Variants in PCDHAC1 observed in about 807,000 individuals in gnomAD.
PCDHAC1 encodes the protein protocadherin alpha subfamily C, 1, also known as protocadherin alpha-C1.
PCDHAC1 carries 42 observed loss-of-function variants against 60.0 expected under a neutral mutation model. The observed-to-expected ratio is 0.70, with a 90% CI of 0.55 to 0.90. The LOEUF is 0.90. Ranked by LOEUF, PCDHAC1 falls within the 40% of genes least tolerant of loss-of-function variation. The pLI, the probability that PCDHAC1 is intolerant of heterozygous loss-of-function variation, is 0.00. For synonymous variants in PCDHAC1, 468 were observed against 499.3 expected, an observed-to-expected ratio of 0.94 and a Z score of 0.84; for missense variants, 1,160 against 1,222.3, an observed-to-expected ratio of 0.95 and a Z score of 0.76.
chr5:140,986,545 G>T (rs1554248133), intron 3 of PCDHAC1, among the ~76,000 whole-genome samples: 1 of 152,172 alleles, frequency 6.6e-6, no homozygotes, highest in East Asian at 1.9e-4. Context: ...GCTTCAGTGG[G>T]CCAGGCTGCT....
chr5:140,981,698 A>C (rs1414640370), intron 2 of PCDHAC1, among the ~76,000 whole-genome samples: 1 of 151,174 alleles, frequency 6.6e-6, no homozygotes, highest in Non-Finnish European at 1.5e-5. Context: ...TCATTCATTC[A>C]TTCATTCATT....
chr5:140,980,834 C>A (rs1424222678), intron 2 of PCDHAC1, among the ~76,000 whole-genome samples: 1 of 151,974 alleles, frequency 6.6e-6, no homozygotes, highest in Non-Finnish European at 1.5e-5. Context: ...AGTTGTGAAC[C>A]TAAATAATAC....
chr5:140,967,645 G>A lies in PCDHAC1; in HGVS notation c.2434-11304G>A, dbSNP rs782043521. ...ATGAGGGCTCCAATGGTGAGCTCAG[G>A]TACTCCTTGAGCAGCTACACGTCGG... On this transcript the variant is annotated intron_variant, in intron 1 of 3. Transcript: ENST00000253807. 1.9e-5 allele frequency: 30 copies of A among 1,614,144 alleles called. 1 individual carries two copies. In the South Asian group the frequency reaches 3.2e-4, roughly 17 times the overall value.
chr5:140,927,042 G>T lies in PCDHAC1; in HGVS notation c.150G>T (p.Met50Ile), dbSNP rs548394870. 4.3e-6 allele frequency: 7 copies of T among 1,612,270 alleles called. No homozygotes were observed. The highest frequency in any genetic ancestry group is 4.2e-6 in the Non-Finnish European group (5 of 1,178,942). The change falls in exon 1 of 4, where the codon ATG (methionine) becomes ATT (isoleucine). Residue 50 changes from methionine (M) to isoleucine (I), a missense_variant. Met to Ile is a conservative substitution (Grantham distance 10). Transcript: ENST00000253807. ...SADLRLPAAAMSSRNFRFLSS... is the reference protein window; with the variant it reads ...SADLRLPAAAISSRNFRFLSS... ...ACTTGAGGCTGCCAGCGGCCGCTAT[G>T]TCCTCGCGGAACTTTCGCTTCCTTT...
chr5:140,988,862 T>G (rs1554250483), intron 3 of PCDHAC1: 2 of 152,218 alleles, frequency 1.3e-5, no homozygotes, highest in Non-Finnish European at 1.5e-5. Flanking sequence ...CAGTCTCATG[T>G]GCACTCAGAT....
At chr5:140,931,962 A>G (rs1439185046) in intron 1 of PCDHAC1, among the ~76,000 whole-genome samples, 1 of 151,924 alleles carries the variant, frequency 6.6e-6, no homozygotes, top group Non-Finnish European at 1.5e-5. Context: ...AATCATGTTG[A>G]TGCATATGTG....
At chr5:140,988,058 A>G (rs2097280755) in intron 3 of PCDHAC1, among the ~76,000 whole-genome samples, 1 of 152,200 alleles carries the variant, frequency 6.6e-6, no homozygotes, top group African/African-American at 2.4e-5. Flanking sequence ...CACTGTCAAC[A>G]TGAATTTTTC....
intron 1 of PCDHAC1, among the ~76,000 whole-genome samples, chr5:140,944,328 C>T (rs1478623361): frequency 1.3e-5 from 2 of 152,124 alleles, no homozygotes; most frequent in African/African-American, 4.8e-5. Context: ...GCTGGGATTA[C>T]AAGCACGTGC....
At chr5:141,002,595 C>T (rs2098087240) in intron 3 of PCDHAC1, among the ~76,000 whole-genome samples, 2 of 152,192 alleles carry the variant, frequency 1.3e-5, no homozygotes, top group Admixed American at 1.3e-4. Context: ...TTAGTCCCCT[C>T]ATCTATAAAA....
At chr5:140,985,290 A>G (rs1471502675) in intron 3 of PCDHAC1, among the ~76,000 whole-genome samples, 1 of 152,108 alleles carries the variant, frequency 6.6e-6, no homozygotes, top group Non-Finnish European at 1.5e-5. Flanking sequence ...TCTATGATAT[A>G]GTGTTGGCTG....
chr5:140,983,766 T>C (rs1554245666), intron 3 of PCDHAC1, among the ~76,000 whole-genome samples: 2 of 152,206 alleles, frequency 1.3e-5, no homozygotes, highest in African/African-American at 4.8e-5. Flanking sequence ...TTCAAATACA[T>C]ATCTACATAC....
At position 140,927,199 on chromosome 5, in the gene PCDHAC1, G is replaced by A; in HGVS notation, c.307G>A (p.Asp103Asn). Residue 103 changes from aspartate to asparagine, a missense_variant, in exon 1 of 4, where the codon GAC (aspartate) becomes AAC (asparagine). Coordinates refer to ENST00000253807, the MANE Select transcript of PCDHAC1 (RefSeq NM_018898.5). Reference sequence around the variant, plus strand: ...CTTGACCTACGACCTGGTGCTCGAGGACCCGCTGGAGCTGCACAAGATTCG... The same window carrying A: ...CTTGACCTACGACCTGGTGCTCGAGAACCCGCTGGAGCTGCACAAGATTCG... The part of the protein sequence containing the change: ...CVLTYDLVLE[D>N]PLELHKIRIH... 7 of 1,614,128 alleles carry A rather than the reference G, an allele frequency of 4.3e-6. No homozygotes were observed. Among genetic ancestry groups the A allele is most frequent in the Non-Finnish European group, 5.9e-6 (7 of 1,180,030 alleles).
intron 3 of PCDHAC1, among the ~76,000 whole-genome samples, chr5:141,007,925 G>T (rs2098351885): frequency 1.3e-5 from 2 of 152,138 alleles, no homozygotes; most frequent in South Asian, 4.2e-4. Context: ...ATATAAGCTG[G>T]AATTCTAAGC....
intron 1 of PCDHAC1, among the ~76,000 whole-genome samples, chr5:140,933,209 G>GTC (rs140472192): frequency 0.32 from 48,939 of 151,636 alleles, 8,153 homozygotes; most frequent in East Asian, 0.53. Flanking sequence ...TAAATTACAT[G>GTC]TCTGTTATAT....
chr5:140,934,741 T>TATG (rs2090025323), intron 1 of PCDHAC1, among the ~76,000 whole-genome samples: 1 of 152,144 alleles, frequency 6.6e-6, no homozygotes, highest in Non-Finnish European at 1.5e-5. Flanking sequence ...TAGGTGTCAT[T>TATG]ATGAACTCAT....
intron 1 of PCDHAC1, among the ~76,000 whole-genome samples, chr5:140,946,207 A>G (rs1435472095): frequency 2.0e-5 from 3 of 152,068 alleles, no homozygotes; most frequent in Non-Finnish European, 4.4e-5. Flanking sequence ...AAAGCACACA[A>G]ATGACCAACA....
Position 141,010,339 on chromosome 5 carries a change from A to G in PCDHAC1, c.*402A>G. 2 of 1,534,058 alleles carry G rather than the reference A, an allele frequency of 1.3e-6. No homozygotes were observed. Among genetic ancestry groups the G allele is most frequent in the East Asian group, 4.9e-5 (2 of 40,762 alleles). On this transcript the variant is annotated 3_prime_UTR_variant, in exon 4 of 4. Transcript: ENST00000253807. ...TTGAGCAGCTTGGGAGTTTGTGGCC[A>G]CTGGGTATGTGTGGCTACCGCGGGT...
chr5:140,995,526 A>G (rs1241973159), intron 3 of PCDHAC1, among the ~76,000 whole-genome samples: 1 of 152,244 alleles, frequency 6.6e-6, no homozygotes, highest in Non-Finnish European at 1.5e-5. Context: ...TCAGAAATCA[A>G]ACCTCAAATA....
chr5:141,002,437 T>C (rs1238744621), intron 3 of PCDHAC1, among the ~76,000 whole-genome samples: 1 of 152,186 alleles, frequency 6.6e-6, no homozygotes, highest in Non-Finnish European at 1.5e-5. Context: ...GCAATAACCA[T>C]AATAATTGGC....
Sources: gnomAD v4.1 joint callset for allele counts (sites outside exome capture counted in the v4.1 genomes callset) on GRCh38, gnomAD v4.1.1 for gene constraint, MANE v1.5 for transcripts, NCBI Gene and HGNC (gene_info 2026-07-23, HGNC 2026-07-21) for gene names.